EXOC2: variants seen among roughly 807,000 people sequenced by gnomAD.
EXOC2 encodes the protein SEC5-like 1.
Under a neutral mutation model 131.8 loss-of-function variants are expected in EXOC2, and 70 were observed. That is an observed-to-expected ratio of 0.53 (90% CI 0.44 to 0.65). EXOC2 has a LOEUF of 0.65. Ranked by LOEUF, EXOC2 falls within the 30% of genes least tolerant of loss-of-function variation. The pLI, the probability that EXOC2 is intolerant of heterozygous loss-of-function variation, is 0.00. For missense variants in EXOC2, 923 were observed against 1,108.6 expected (o/e 0.83, Z 2.38); for synonymous variants, 411 against 398.4 (o/e 1.03, Z -0.38).
At chr6:495,811 G>A (rs1763699786) in intron 25 of EXOC2, among the ~76,000 whole-genome samples, 1 of 152,068 alleles carries the variant, frequency 6.6e-6, no homozygotes, top group Admixed American at 6.5e-5. Flanking sequence ...GTGGCTGATG[G>A]GTCATTCTTA....
At chr6:669,028 T>G (rs1763742496) in intron 1 of EXOC2, 1 of 152,254 alleles carries the variant, frequency 6.6e-6, no homozygotes, top group Non-Finnish European at 1.5e-5. Context: ...AATAAACGCT[T>G]ATGAATGAAC....
intron 10 of EXOC2, among the ~76,000 whole-genome samples, chr6:595,812 A>T (rs943634326): frequency 6.6e-6 from 1 of 152,118 alleles, no homozygotes; most frequent in Non-Finnish European, 1.5e-5. Flanking sequence ...TGTCCTGGAC[A>T]CTACGCTCAA....
intron 2 of EXOC2, among the ~76,000 whole-genome samples, chr6:635,123 C>T (rs2179511): frequency 0.67 from 102,437 of 152,086 alleles, 34,953 homozygotes; most frequent in Middle Eastern, 0.83. Context: ...GAATGAAGAA[C>T]AACCCAACAA....
intron 16 of EXOC2, among the ~76,000 whole-genome samples, chr6:563,692 T>C: frequency 6.6e-6 from 1 of 152,186 alleles, no homozygotes; most frequent in East Asian, 1.9e-4. Context: ...TTCTGTAAAT[T>C]AAAATTTAAA....
At chr6:677,664 T>C (rs533486992) in intron 1 of EXOC2, among the ~76,000 whole-genome samples, 27 of 152,278 alleles carry the variant, frequency 1.8e-4, no homozygotes, top group Non-Finnish European at 3.8e-4. Context: ...AGATGGGGTT[T>C]CACCATGTTG....
intron 24 of EXOC2, among the ~76,000 whole-genome samples, chr6:498,413 G>C (rs1450341879): frequency 6.6e-6 from 1 of 151,978 alleles, no homozygotes; most frequent in Non-Finnish European, 1.5e-5. Flanking sequence ...TTGCACTTTG[G>C]GCTCAAATTC....
At chr6:521,161 G>A (rs1459945704) in intron 23 of EXOC2, among the ~76,000 whole-genome samples, 1 of 147,730 alleles carries the variant, frequency 6.8e-6, no homozygotes, top group Non-Finnish European at 1.5e-5. Context: ...CACACTCGGA[G>A]ATGAAAACAA....
chr6:642,493 G>A (rs1410471782), intron 1 of EXOC2, among the ~76,000 whole-genome samples: 3 of 152,108 alleles, frequency 2.0e-5, no homozygotes, highest in South Asian at 2.1e-4. Context: ...AACATAGAAA[G>A]TAGGAAAAAC....
At chr6:531,255 G>C (rs1486408504) in intron 23 of EXOC2, among the ~76,000 whole-genome samples, 3 of 152,224 alleles carry the variant, frequency 2.0e-5, no homozygotes, top group Non-Finnish European at 4.4e-5. Flanking sequence ...GGGCAGAGGT[G>C]GGCACAGCAC....
chr6:656,749 A>G (rs1763128895), intron 1 of EXOC2: 1 of 1,589,228 alleles, frequency 6.3e-7, no homozygotes, highest in African/African-American at 1.3e-5. Flanking sequence ...TCCATGCGAA[A>G]CTGCTGGAAG....
intron 17 of EXOC2, among the ~76,000 whole-genome samples, chr6:561,063 T>G (rs1757676050): frequency 6.6e-6 from 1 of 152,226 alleles, no homozygotes. Context: ...TTAATTGACT[T>G]ATTAAAAATA....
At chr6:571,546 AAGAC>A (rs1758277541) in intron 13 of EXOC2, among the ~76,000 whole-genome samples, 1 of 152,218 alleles carries the variant, frequency 6.6e-6, no homozygotes, top group Non-Finnish European at 1.5e-5. Context: ...TGAGACTCCA[AAGAC>A]ACCTGAGGTA....
intron 23 of EXOC2, among the ~76,000 whole-genome samples, chr6:503,662 T>C (rs1764356492): frequency 6.6e-6 from 1 of 152,190 alleles, no homozygotes; most frequent in African/African-American, 2.4e-5. Flanking sequence ...TTTTGTGAAG[T>C]CCTTAAACGG....
chr6:573,405 G>T (rs1758396113), intron 12 of EXOC2, among the ~76,000 whole-genome samples: 1 of 152,114 alleles, frequency 6.6e-6, no homozygotes, highest in African/African-American at 2.4e-5. Context: ...CCTCCCACCT[G>T]CCTCCCGCCC....
At chr6:492,411 G>A (rs935719635) in intron 25 of EXOC2, among the ~76,000 whole-genome samples, 13 of 152,176 alleles carry the variant, frequency 8.5e-5, no homozygotes, top group Non-Finnish European at 1.3e-4. Flanking sequence ...TGGTATGCAC[G>A]CACGAGACAT....
chr6:517,276 C>T lies in EXOC2; in HGVS notation c.2380+15193G>A, dbSNP rs149339117. On this transcript the variant is annotated intron_variant, in intron 23 of 27. Transcript: ENST00000230449. ...GAGTGTGGAACATGGCACCCTATGG[C>T]GAGGCTGTACTGTCAGGACCCAGGG... Among the ~76,000 whole-genome samples the T allele has an allele frequency of 2.4e-3, 360 of 152,084 alleles. 1 individual carries two copies. Among genetic ancestry groups the T allele is most frequent in the African/African-American group, 8.3e-3 (345 of 41,452 alleles).
chr6:544,868 C>T (rs1756749157), intron 22 of EXOC2, among the ~76,000 whole-genome samples: 1 of 152,210 alleles, frequency 6.6e-6, no homozygotes, highest in African/African-American at 2.4e-5. Flanking sequence ...AAACTTCAGG[C>T]CGGGCGCGGT....
In EXOC2 at chr6:592,589, T is replaced by C; in HGVS notation, c.1074-2A>G. The C allele has an allele frequency of 3.7e-6, 6 of 1,612,090 alleles. No individual in the cohort carries two copies. Among genetic ancestry groups the C allele is most frequent in the Non-Finnish European group, 5.1e-6 (6 of 1,178,620 alleles). On this transcript the variant is annotated splice_acceptor_variant, in intron 10 of 27. Coordinates refer to ENST00000230449, the MANE Select transcript of EXOC2 (RefSeq NM_018303.6). LOFTEE classifies it high-confidence loss of function. The stretch of plus-strand genomic sequence containing the variant: ...GACGCATGAAGGTCAGACAGGTACC[T>C]GAAAAAGCAAGTCCAAGGTTGAGGC...
chr6:594,492 T>C (rs577603126), intron 10 of EXOC2, among the ~76,000 whole-genome samples: 71 of 152,338 alleles, frequency 4.7e-4, no homozygotes, highest in Non-Finnish European at 7.3e-4. Flanking sequence ...AATAAAGAGA[T>C]ACTCTTTTAG....
Sources: gnomAD v4.1 joint callset for allele counts (sites outside exome capture counted in the v4.1 genomes callset) on GRCh38, gnomAD v4.1.1 for gene constraint, MANE v1.5 for transcripts, NCBI Gene and HGNC (gene_info 2026-07-23, HGNC 2026-07-21) for gene names.